Variants in SMIM35 observed in about 807,000 individuals in gnomAD.
SMIM35 encodes small integral membrane protein 35, also known as TMPRSS4 antisense RNA 1 (non-protein coding).
intron 1 of SMIM35, among the ~76,000 whole-genome samples, chr11:118,078,011 CTCAAAAAAAA>C (rs1295192397): frequency 9.0e-5 from 4 of 44,422 alleles, no homozygotes; most frequent in South Asian, 9.7e-4. Context: ...GAAACTCCGT[CTCAAAAAAAA>C]AAAAAAAAAA....
intron 1 of SMIM35, among the ~76,000 whole-genome samples, chr11:118,054,746 GTAAA>G (rs1046732185): frequency 1.3e-5 from 2 of 151,254 alleles, no homozygotes; most frequent in African/African-American, 4.9e-5. Flanking sequence ...CCTTTGAAAT[GTAAA>G]TAAATATGTT....
chr11:118,051,843 A>AATACTAATACTAATACT (rs1944220129), intron 1 of SMIM35, among the ~76,000 whole-genome samples: 1 of 151,842 alleles, frequency 6.6e-6, no homozygotes, highest in African/African-American at 2.4e-5. Context: ...TACTAATACT[A>AATACTAATACTAATACT]ATACTAATAC....
intron 1 of SMIM35, among the ~76,000 whole-genome samples, chr11:118,081,021 G>T (rs994493584): frequency 6.6e-6 from 1 of 152,204 alleles, no homozygotes; most frequent in African/African-American, 2.4e-5. Context: ...TTGAGGACAG[G>T]GTCTGTGTCT....
chr11:118,062,245 A>G (rs1944403663), intron 1 of SMIM35, among the ~76,000 whole-genome samples: 1 of 152,162 alleles, frequency 6.6e-6, no homozygotes, highest in Non-Finnish European at 1.5e-5. Context: ...CAGGAGAATC[A>G]CTTGAACCCT....
At chr11:118,081,999 A>C (rs1945171457) in intron 1 of SMIM35, among the ~76,000 whole-genome samples, 2 of 152,146 alleles carry the variant, frequency 1.3e-5, no homozygotes, top group Admixed American at 6.5e-5. Flanking sequence ...CCTCACCTTC[A>C]TCCCATCTCC....
At chr11:118,025,847 T>C (rs1443655061) in intron 1 of SMIM35, 1 of 441,182 alleles carries the variant, frequency 2.3e-6, no homozygotes, top group Non-Finnish European at 4.5e-6. Context: ...TTTTGGAAAC[T>C]TAGTCATAAA....
At chr11:118,063,242 G>A (rs909475267) in intron 1 of SMIM35, among the ~76,000 whole-genome samples, 1 of 152,120 alleles carries the variant, frequency 6.6e-6, no homozygotes, top group African/African-American at 2.4e-5. Context: ...CCGCAGACTT[G>A]CCCTGAATTC....
intron 1 of SMIM35, among the ~76,000 whole-genome samples, chr11:118,082,228 ACT>A (rs1945190447): frequency 6.6e-6 from 1 of 151,966 alleles, no homozygotes; most frequent in African/African-American, 2.4e-5. Context: ...GTCTAATACA[ACT>A]CTCTGAGACA....
chr11:118,019,533 G>A (rs2058208756), intron 1 of SMIM35, among the ~76,000 whole-genome samples: 1 of 152,104 alleles, frequency 6.6e-6, no homozygotes, highest in South Asian at 2.1e-4. Context: ...TCTGCAAAGG[G>A]GTCCCCCAAA....
intron 1 of SMIM35, among the ~76,000 whole-genome samples, chr11:118,074,051 C>T (rs1944614793): frequency 6.6e-6 from 1 of 152,198 alleles, no homozygotes; most frequent in Non-Finnish European, 1.5e-5. Context: ...CTCTGGCCTT[C>T]ACTCACAGGG....
rs1345936190 is a variant in SMIM35, at chr11:118,054,156, A to AT, written c.7+32594dup. On this transcript the variant is annotated intron_variant, in intron 1 of 4. Transcript: ENST00000689828. ...ATGCAGGGTTTTGGGGGTTTTTGGG[A>AT]TTTTTTTGTTTTGTTTTTTTGTTTG... Among the ~76,000 whole-genome samples, 1,035 of 108,194 alleles carry AT rather than the reference A, an allele frequency of 9.6e-3. 4 individuals carry two copies. The highest frequency in any genetic ancestry group is 0.016 in the Non-Finnish European group (772 of 48,812). The allele number at this position is 108,194 out of a possible 152,430, so 71.0% of individuals were successfully genotyped here. A position where few individuals can be genotyped will look rare whatever the true frequency, so the allele number is the denominator to read the frequency against.
intron 1 of SMIM35, among the ~76,000 whole-genome samples, chr11:118,038,430 T>C (rs1470860761): frequency 6.6e-6 from 1 of 152,226 alleles, no homozygotes; most frequent in Non-Finnish European, 1.5e-5. Flanking sequence ...AAGTTTTTCT[T>C]TTTTATATTT....
intron 1 of SMIM35, among the ~76,000 whole-genome samples, chr11:118,079,143 G>A (rs962595465): frequency 2.6e-5 from 4 of 152,072 alleles, no homozygotes; most frequent in Admixed American, 1.3e-4. Context: ...CAATCTCCAC[G>A]GTGTGGTCAA....
chr11:118,017,315 C>A (rs1239009197), intron 1 of SMIM35, among the ~76,000 whole-genome samples: 1 of 152,166 alleles, frequency 6.6e-6, no homozygotes, highest in Non-Finnish European at 1.5e-5. Flanking sequence ...CTGGGCTGAG[C>A]TCCAAGACAG....
intron 1 of SMIM35, among the ~76,000 whole-genome samples, chr11:118,070,779 G>A (rs1446053447): frequency 1.3e-5 from 2 of 152,140 alleles, no homozygotes; most frequent in Non-Finnish European, 2.9e-5. Flanking sequence ...AACCGGAACC[G>A]AGGCAAACCC....
chr11:118,035,795 C>T (rs10892204), intron 1 of SMIM35, among the ~76,000 whole-genome samples: 40,855 of 152,180 alleles, frequency 0.27, 5,524 homozygotes, highest in South Asian at 0.3. Context: ...GCTAAGTGTG[C>T]AGCCGTGGGG....
chr11:118,076,868 A>T (rs1159210385), intron 1 of SMIM35: 1 of 162,472 alleles, frequency 6.2e-6, no homozygotes, highest in Non-Finnish European at 1.3e-5. Flanking sequence ...CCCTCAGCCA[A>T]CACCCAGTTG....
In SMIM35 at chr11:118,005,552, T is replaced by C. The variant is rs917126787; in HGVS notation, c.*858A>G. 1 of 152,254 alleles carries C rather than the reference T, an allele frequency of 6.6e-6. No homozygotes were observed. The highest frequency in any genetic ancestry group is 1.5e-5 in the Non-Finnish European group (1 of 68,076). The allele number at this position is 152,254 out of a possible 1,614,324, so 9.4% of individuals were successfully genotyped here. On this transcript the variant is annotated 3_prime_UTR_variant, in exon 5 of 5. Transcript: ENST00000689828. The stretch of plus-strand genomic sequence containing the variant: ...GAGCTCATGATTCCCCTGACACTCC[T>C]TCCTCCCCTAGTCTTCCCCACCTGA...
chr11:118,056,956 A>G (rs1279163181), intron 1 of SMIM35, among the ~76,000 whole-genome samples: 1 of 152,134 alleles, frequency 6.6e-6, no homozygotes. Flanking sequence ...GAAAGGAGAA[A>G]AATAGCCAGG....
Sources: gnomAD v4.1 joint callset for allele counts (sites outside exome capture counted in the v4.1 genomes callset) on GRCh38, gnomAD v4.1.1 for gene constraint, MANE v1.5 for transcripts, NCBI Gene and HGNC (gene_info 2026-07-23, HGNC 2026-07-21) for gene names.